Variants in NRG3 observed in about 807,000 individuals in gnomAD.
The protein encoded by NRG3 is pro-neuregulin-3, membrane-bound isoform.
A neutral mutation model predicts 66.9 loss-of-function variants in NRG3; 31 were observed. The observed-to-expected ratio is 0.46, with a 90% confidence interval of 0.35 to 0.63. The LOEUF (loss-of-function observed/expected upper bound fraction) is 0.63, where lower values mean the gene tolerates loss of function less well. Ranked by LOEUF, NRG3 falls within the 20% of genes least tolerant of loss-of-function variation. The pLI, the probability that NRG3 is intolerant of heterozygous loss-of-function variation, is 0.00. For missense variants in NRG3, 910 were observed against 878.9 expected (o/e 1.04, Z -0.45); for synonymous variants, 393 against 359.4 (o/e 1.09, Z -1.06).
chr10:82,549,422 C>G (rs2044155070), intron 2 of NRG3, among the ~76,000 whole-genome samples: 1 of 152,036 alleles, frequency 6.6e-6, no homozygotes, highest in African/African-American at 2.4e-5. Flanking sequence ...TCAAGTAATC[C>G]TGGGTCTGCA....
chr10:82,337,164 T>C (rs899566211), intron 1 of NRG3, among the ~76,000 whole-genome samples: 8 of 152,160 alleles, frequency 5.3e-5, no homozygotes, highest in Non-Finnish European at 8.8e-5. Context: ...AACATAAAGT[T>C]TCACTCTTCT....
intron 8 of NRG3, among the ~76,000 whole-genome samples, chr10:82,980,758 C>G (rs1852785436): frequency 6.6e-6 from 1 of 152,142 alleles, no homozygotes; most frequent in Non-Finnish European, 1.5e-5. Flanking sequence ...TTTAGGGTGA[C>G]AGTTGCAAAG....
intron 2 of NRG3, among the ~76,000 whole-genome samples, chr10:82,421,979 G>A (rs1431877819): frequency 1.3e-5 from 2 of 152,066 alleles, no homozygotes; most frequent in African/African-American, 4.8e-5. Context: ...TGCATTGTTA[G>A]CTTGAGAACC....
chr10:82,726,243 G>T (rs1591324253), intron 2 of NRG3, among the ~76,000 whole-genome samples: 1 of 152,114 alleles, frequency 6.6e-6, no homozygotes, highest in East Asian at 1.9e-4. Flanking sequence ...GTAACTTTAG[G>T]ATGTCTTACT....
intron 2 of NRG3, among the ~76,000 whole-genome samples, chr10:82,603,065 G>A (rs1000458026): frequency 1.3e-5 from 2 of 152,184 alleles, no homozygotes; most frequent in African/African-American, 4.8e-5. Flanking sequence ...TTGGAATCTG[G>A]TACTTGGAAG....
chr10:82,974,187 T>C (rs1852033784), intron 7 of NRG3, among the ~76,000 whole-genome samples: 1 of 152,128 alleles, frequency 6.6e-6, no homozygotes, highest in African/African-American at 2.4e-5. Context: ...AAATGCATTC[T>C]GAAAAACTAT....
At chr10:82,878,413 G>A (rs996833408) in intron 4 of NRG3, among the ~76,000 whole-genome samples, 5 of 152,196 alleles carry the variant, frequency 3.3e-5, no homozygotes, top group Admixed American at 6.5e-5. Flanking sequence ...GGCACTGATC[G>A]CAGAATCCTA....
intron 2 of NRG3, among the ~76,000 whole-genome samples, chr10:82,439,771 A>G (rs1394032371): frequency 6.6e-6 from 1 of 151,978 alleles, no homozygotes; most frequent in Non-Finnish European, 1.5e-5. Flanking sequence ...ATGGTGTTTT[A>G]TTCTTGTAAT....
chr10:82,734,208 G>A (rs2058050820), intron 2 of NRG3, among the ~76,000 whole-genome samples: 1 of 152,114 alleles, frequency 6.6e-6, no homozygotes, highest in South Asian at 2.1e-4. Context: ...ACTTAAACCA[G>A]CCACTGGGCT....
chr10:81,878,291 C>T (rs1289278469), intron 1 of NRG3, among the ~76,000 whole-genome samples: 1 of 152,134 alleles, frequency 6.6e-6, no homozygotes, highest in Non-Finnish European at 1.5e-5. Flanking sequence ...AGCTCTTTCT[C>T]TTTTTTAAAC....
intron 3 of NRG3, among the ~76,000 whole-genome samples, chr10:82,836,727 A>AT (rs1168848128): frequency 6.7e-6 from 1 of 149,516 alleles, no homozygotes; most frequent in African/African-American, 2.5e-5. Flanking sequence ...TTTTATTTTT[A>AT]TTTTTTCTAA....
At chr10:82,681,129 A>G (rs960620243) in intron 2 of NRG3, among the ~76,000 whole-genome samples, 1 of 152,240 alleles carries the variant, frequency 6.6e-6, no homozygotes, top group Non-Finnish European at 1.5e-5. Flanking sequence ...TGTGATAAAA[A>G]ATCATGTGAG....
chr10:82,693,117 A>G (rs1030681185), intron 2 of NRG3, among the ~76,000 whole-genome samples: 5 of 152,090 alleles, frequency 3.3e-5, no homozygotes, highest in African/African-American at 1.2e-4. Context: ...TGATCTTCCT[A>G]ATTTCCAATT....
At chr10:82,053,595 A>T (rs1181683902) in intron 1 of NRG3, among the ~76,000 whole-genome samples, 5 of 150,900 alleles carry the variant, frequency 3.3e-5, no homozygotes, top group Non-Finnish European at 2.9e-5. Context: ...CATCATCTCT[A>T]CAACTTTCAG....
At position 81,900,631 on chromosome 10, in the gene NRG3, CA is replaced by C. The variant is rs1375379831; in HGVS notation, c.823+24469del. Among the ~76,000 whole-genome samples the C allele has an allele frequency of 2.0e-5, 3 of 152,130 alleles. No individual in the cohort carries two copies. In the East Asian group the frequency reaches 5.8e-4, roughly 29 times the overall value. ...TCCTGGAAAATGCTTAAGATATTTACATTTTGATAATATAGAAATCAAGAGT... is the reference window on the plus strand; with the variant it reads ...TCCTGGAAAATGCTTAAGATATTTACTTTTGATAATATAGAAATCAAGAGT... On this transcript the variant is annotated intron_variant, in intron 1 of 8. Transcript: ENST00000372141.
Position 82,257,774 on chromosome 10 carries a change from G to GA in NRG3, c.824-100956dup, listed in dbSNP as rs1197559331. 1.5e-4 allele frequency among the ~76,000 whole-genome samples: 23 copies of GA among 150,848 alleles called. No homozygotes were observed. The East Asian group carries it at 2.5e-3, about 17-fold the overall frequency. On this transcript the variant is annotated intron_variant, in intron 1 of 8. Transcript: ENST00000372141. ...AGAGCAAGATTTTGTCTCAAAAAAA[G>GA]AAAAAAAAATTCTGATTTTTCCTAT...
chr10:82,572,205 G>A (rs760887784), intron 2 of NRG3, among the ~76,000 whole-genome samples: 12 of 151,386 alleles, frequency 7.9e-5, no homozygotes, highest in Non-Finnish European at 1.5e-4. Flanking sequence ...TTGAACTGTA[G>A]CCCTCAGCAT....
chr10:82,910,839 A>G (rs2131969073), intron 4 of NRG3, among the ~76,000 whole-genome samples: 1 of 152,348 alleles, frequency 6.6e-6, no homozygotes, highest in East Asian at 1.9e-4. Flanking sequence ...GGGTTTCAAA[A>G]GGAGTTTAGC....
intron 1 of NRG3, 57 bp from the exon 2 acceptor site, chr10:82,358,682 G>T: frequency 1.2e-6 from 2 of 1,609,096 alleles, no homozygotes; most frequent in Non-Finnish European, 1.7e-6. Context: ...AGTGACAGGA[G>T]TTGTTGGTGT....
Sources: gnomAD v4.1 joint callset for allele counts (sites outside exome capture counted in the v4.1 genomes callset) on GRCh38, gnomAD v4.1.1 for gene constraint, MANE v1.5 for transcripts, NCBI Gene and HGNC (gene_info 2026-07-23, HGNC 2026-07-21) for gene names.